Variants in FGF13 observed in about 807,000 individuals in gnomAD.
FGF13 encodes fibroblast growth factor 13.
FGF13 carries 2 observed loss-of-function variants against 19.5 expected under a neutral mutation model. The ratio of observed to expected loss-of-function variants is 0.10; its 90% CI spans 0.04 to 0.32. FGF13 has a LOEUF of 0.32. Among genes scored for constraint, FGF13 ranks in the 10% least tolerant of loss-of-function variants. FGF13 has a pLI of 1.00. For synonymous variants in FGF13, 72 were observed against 76.9 expected, an observed-to-expected ratio of 0.94 and a Z score of 0.33; for missense variants, 113 against 192.7, an observed-to-expected ratio of 0.59 and a Z score of 2.45.
chrX:139,133,731 C>G (rs1335352041), intron 1 of FGF13, among the ~76,000 whole-genome samples: 1 of 111,255 alleles, frequency 9.0e-6, no homozygotes, highest in Non-Finnish European at 1.9e-5. Flanking sequence ...CACATGTGGA[C>G]AACATATCCA....
intron 3 of FGF13, among the ~76,000 whole-genome samples, chrX:138,769,913 C>T (rs770711972): frequency 8.9e-6 from 1 of 112,191 alleles, no homozygotes; most frequent in South Asian, 3.7e-4. Context: ...TCATAGATTT[C>T]TCTCACTTTC....
At chrX:138,984,592 A>AAGAG (rs1569436193) in intron 1 of FGF13, among the ~76,000 whole-genome samples, 1 of 29,757 alleles carries the variant, frequency 3.4e-5, no homozygotes, top group African/African-American at 1.2e-4. Context: ...AAGAAGAAGG[A>AAGAG]GGAGGAGGAG....
chrX:139,125,582 A>G (rs2083709787), intron 1 of FGF13, among the ~76,000 whole-genome samples: 1 of 111,902 alleles, frequency 8.9e-6, no homozygotes, highest in African/African-American at 3.2e-5. Flanking sequence ...TGGAAATATC[A>G]AAAGAATCTG....
At chrX:138,857,449 A>G (rs1367679005), downstream of FGF13, 4 of 1,084,358 alleles carry the variant, frequency 3.7e-6, no homozygotes, top group African/African-American at 1.9e-5. Flanking sequence ...CACAATCCAA[A>G]AGAAAGAGAA....
rs1228409496 is a variant in FGF13, at chrX:138,984,601, AGG to A, written c.-112-119953_-112-119952del. Reference sequence around the variant, plus strand: ...AAGAAGAAGAAGAAGGAGGAGGAGGAGGAGGAGGAGGAGGATGAGGAAGAGGA... The same window carrying A: ...AAGAAGAAGAAGAAGGAGGAGGAGGAAGGAGGAGGAGGATGAGGAAGAGGA... On this transcript the variant is annotated intron_variant, in intron 1 of 2. Transcript: ENST00000421460. Among the ~76,000 whole-genome samples, 5 of 43,161 alleles carry A rather than the reference AGG, an allele frequency of 1.2e-4. 1 individual carries two copies. The highest frequency in any genetic ancestry group is 3.7e-4 in the African/African-American group (5 of 13,597). 37.5% of individuals were successfully genotyped at this position (43,161 alleles called of 115,157 possible).
intron 1 of FGF13, among the ~76,000 whole-genome samples, chrX:139,177,178 CT>C (rs2084193340): frequency 1.1e-5 from 1 of 94,737 alleles, no homozygotes; most frequent in Admixed American, 1.1e-4. Flanking sequence ...CCTTCTTTGT[CT>C]TTTTTGATCT....
At position 138,620,852 on chromosome X, in the gene FGF13, A is replaced by G. The variant is rs2089010061; in HGVS notation, c.*11998T>C. 2 of 112,023 alleles carry G rather than the reference A, an allele frequency of 1.8e-5. No homozygotes were observed. The highest frequency in any genetic ancestry group is 9.5e-5 in the Admixed American group (1 of 10,531). 9.2% of individuals were successfully genotyped at this position (112,023 alleles called of 1,213,427 possible). A position where few individuals can be genotyped will look rare whatever the true frequency, so the allele number is the denominator to read the frequency against. On this transcript the variant is annotated 3_prime_UTR_variant, in exon 5 of 5. Coordinates refer to ENST00000315930, the MANE Select transcript of FGF13 (RefSeq NM_004114.5). ...AGACACCTATACTATATCAGACAAA[A>G]CAGACTTAAAGTCACAAACTGTAAC...
At chrX:138,796,729 C>T (rs1163176091) in intron 3 of FGF13, among the ~76,000 whole-genome samples, 1 of 111,777 alleles carries the variant, frequency 8.9e-6, no homozygotes, top group East Asian at 2.8e-4. Context: ...CTGTTGTTTC[C>T]TGACTTTTTA....
intron 1 of FGF13, among the ~76,000 whole-genome samples, chrX:138,867,430 T>C (rs1358529216): frequency 9.1e-6 from 1 of 110,211 alleles, no homozygotes; most frequent in Non-Finnish European, 1.9e-5. Context: ...ATTAGTCCAT[T>C]TTCATGCTGC....
At chrX:138,674,702 G>A (rs2089647674) in intron 3 of FGF13, among the ~76,000 whole-genome samples, 1 of 111,126 alleles carries the variant, frequency 9.0e-6, no homozygotes, top group Admixed American at 9.6e-5. Context: ...CAAACAGTGG[G>A]ATGCTTGAAA....
intron 1 of FGF13, among the ~76,000 whole-genome samples, chrX:138,935,188 C>T (rs939330282): frequency 7.2e-5 from 8 of 111,371 alleles, no homozygotes; most frequent in African/African-American, 2.6e-4. Context: ...CTCTGGAAGT[C>T]AAGGTCTGCT....
chrX:139,203,333 T>A (rs73574154), intron 1 of FGF13: 19,150 of 109,963 alleles, frequency 0.17, 3,823 homozygotes, highest in African/African-American at 0.58. Context: ...CAAGGGGACA[T>A]CAGCCTTTGT....
intron 1 of FGF13, among the ~76,000 whole-genome samples, chrX:139,045,111 T>C (rs580660): frequency 0.2 from 22,884 of 111,952 alleles, 2,070 homozygotes; most frequent in African/African-American, 0.32. Flanking sequence ...TCTTCACTCT[T>C]GCATTCTGCA....
intron 1 of FGF13, among the ~76,000 whole-genome samples, chrX:139,062,187 G>A (rs894224507): frequency 1.8e-5 from 2 of 111,056 alleles, no homozygotes; most frequent in African/African-American, 3.3e-5. Flanking sequence ...TAGTAGTTTC[G>A]TGGTTTGGAG....
At chrX:139,079,970 A>G (rs1259394484) in intron 1 of FGF13, among the ~76,000 whole-genome samples, 2 of 100,570 alleles carry the variant, frequency 2.0e-5, no homozygotes, top group African/African-American at 8.0e-5. Flanking sequence ...TGCTTCTATC[A>G]ACATCACCGT....
intron 1 of FGF13, among the ~76,000 whole-genome samples, chrX:138,953,692 A>G (rs1304292224): frequency 8.9e-6 from 1 of 111,745 alleles, no homozygotes; most frequent in Non-Finnish European, 1.9e-5. Flanking sequence ...CAACAGTAGA[A>G]TGATAAGCAA....
intron 1 of FGF13, among the ~76,000 whole-genome samples, chrX:138,906,150 C>T (rs1366919134): frequency 2.7e-5 from 3 of 111,597 alleles, no homozygotes; most frequent in African/African-American, 9.8e-5. Flanking sequence ...GATGATCAAA[C>T]CCTGGCTGTA....
chrX:139,081,454 G>C (rs2083369987), intron 1 of FGF13, among the ~76,000 whole-genome samples: 1 of 111,485 alleles, frequency 9.0e-6, no homozygotes, highest in African/African-American at 3.3e-5. Context: ...TCTACACTTC[G>C]TTATGATCTC....
At chrX:138,649,984 A>G (rs1388590947) in intron 3 of FGF13, among the ~76,000 whole-genome samples, 1 of 112,344 alleles carries the variant, frequency 8.9e-6, no homozygotes, top group Admixed American at 9.4e-5. Context: ...AGTGCCTATC[A>G]CGTGCACTAG....
Sources: allele counts gnomAD v4.1 joint callset (sites outside exome capture counted in the v4.1 genomes callset), GRCh38; gene constraint gnomAD v4.1.1; transcripts MANE v1.5; gene names NCBI Gene and HGNC (gene_info 2026-07-23, HGNC 2026-07-21).